HHAT: variants seen among roughly 807,000 people sequenced by gnomAD.
The protein encoded by HHAT is protein-cysteine N-palmitoyltransferase HHAT.
In HHAT, 47 loss-of-function variants were observed where a neutral mutation model predicts 70.8. The observed-to-expected ratio is 0.66, with a 90% CI of 0.53 to 0.85. The LOEUF (loss-of-function observed/expected upper bound fraction) is 0.85, where lower values mean the gene tolerates loss of function less well. HHAT is among the 40% of genes least tolerant of loss of function. The probability of loss-of-function intolerance (pLI) is 0.00; values close to 1 mark genes in which losing one functional copy is unlikely to be tolerated. For missense variants in HHAT, 609 were observed against 604.8 expected, an observed-to-expected ratio of 1.01 and a Z score of -0.07; for synonymous variants, 228 against 247.6, an observed-to-expected ratio of 0.92 and a Z score of 0.74.
chr1:210,400,712 T>A (rs2148197899), intron 5 of HHAT, 50 bp downstream of exon 5: 1 of 1,546,612 alleles, frequency 6.5e-7, no homozygotes, highest in African/African-American at 1.4e-5. Flanking sequence ...CCCCTTTGGC[T>A]TTGCCTTGAT....
At chr1:210,608,977 G>A (rs138487124) in intron 10 of HHAT, among the ~76,000 whole-genome samples, 182 of 152,222 alleles carry the variant, frequency 1.2e-3, no homozygotes, top group African/African-American at 4.3e-3. Flanking sequence ...CCAAGCGAAG[G>A]GGGAAGAGCC....
chr1:210,410,999 TAAG>T (rs1184473921), intron 6 of HHAT, among the ~76,000 whole-genome samples: 4 of 152,344 alleles, frequency 2.6e-5, no homozygotes, highest in South Asian at 2.1e-4. Flanking sequence ...AAGTCATTAT[TAAG>T]AAGCCAATGC....
chr1:210,590,516 G>C (rs1246741355), intron 10 of HHAT: 1 of 117,212 alleles, frequency 8.5e-6, no homozygotes, highest in Non-Finnish European at 1.6e-5. Flanking sequence ...TCAGACCCAG[G>C]AGAGCTGATG....
chr1:210,388,600 A>G (rs2091248575), intron 4 of HHAT, among the ~76,000 whole-genome samples: 1 of 152,126 alleles, frequency 6.6e-6, no homozygotes, highest in Non-Finnish European at 1.5e-5. Flanking sequence ...AATCCAAAAT[A>G]TTAGATGTTG....
At chr1:210,629,636 C>T (rs1000365194) in intron 11 of HHAT, among the ~76,000 whole-genome samples, 3 of 152,218 alleles carry the variant, frequency 2.0e-5, no homozygotes, top group Non-Finnish European at 4.4e-5. Context: ...CTGGTTCCTT[C>T]TGGAGGCTAT....
At chr1:210,395,238 A>T (rs1266594694) in intron 4 of HHAT, among the ~76,000 whole-genome samples, 2 of 152,152 alleles carry the variant, frequency 1.3e-5, no homozygotes, top group Non-Finnish European at 2.9e-5. Flanking sequence ...TACAGAGGTA[A>T]ACTCTAAGGA....
intron 3 of HHAT, among the ~76,000 whole-genome samples, chr1:210,384,439 T>C (rs996474581): frequency 1.2e-4 from 18 of 152,310 alleles, no homozygotes; most frequent in African/African-American, 4.1e-4. Context: ...GTCATGTAGA[T>C]TGGTCCCCAG....
At chr1:210,433,831 G>C (rs12091294) in intron 7 of HHAT, among the ~76,000 whole-genome samples, 4,313 of 152,006 alleles carry the variant, frequency 0.028, 296 homozygotes, top group African/African-American at 0.098. Flanking sequence ...AGGCTCTCAG[G>C]TGGAGGCCAG....
intron 6 of HHAT, among the ~76,000 whole-genome samples, chr1:210,412,939 G>C (rs529083419): frequency 6.6e-6 from 1 of 152,330 alleles, no homozygotes; most frequent in African/African-American, 2.4e-5. Context: ...GGGCCCACAG[G>C]AGCCACCCTT....
At chr1:210,349,839 C>T (rs75608308) in intron 2 of HHAT, among the ~76,000 whole-genome samples, 11 of 151,706 alleles carry the variant, frequency 7.3e-5, no homozygotes, top group African/African-American at 1.7e-4. Context: ...TTAGTAGAGA[C>T]GTGGTTTCAC....
intron 11 of HHAT, among the ~76,000 whole-genome samples, chr1:210,625,649 A>C (rs1192385722): frequency 2.0e-5 from 3 of 152,234 alleles, no homozygotes; most frequent in Non-Finnish European, 4.4e-5. Flanking sequence ...AAAGGCAGGC[A>C]TATCAGGGAA....
At chr1:210,360,551 C>G (rs2088178037) in intron 2 of HHAT, among the ~76,000 whole-genome samples, 1 of 152,092 alleles carries the variant, frequency 6.6e-6, no homozygotes, top group African/African-American at 2.4e-5. Flanking sequence ...CTCAGGTGAT[C>G]TGCCCACCTT....
At chr1:210,576,877 C>T (rs1398524672) in intron 9 of HHAT, among the ~76,000 whole-genome samples, 3 of 152,118 alleles carry the variant, frequency 2.0e-5, no homozygotes, top group African/African-American at 4.8e-5. Context: ...TTTCAATGTA[C>T]AAATCTTTGG....
chr1:210,349,856 G>A (rs192362814), intron 2 of HHAT, among the ~76,000 whole-genome samples: 1 of 152,070 alleles, frequency 6.6e-6, no homozygotes, highest in Non-Finnish European at 1.5e-5. Flanking sequence ...TCACCATGTT[G>A]GCCAGGCTGA....
At chr1:210,583,131 T>A (rs1659642474) in intron 9 of HHAT, among the ~76,000 whole-genome samples, 1 of 152,176 alleles carries the variant, frequency 6.6e-6, no homozygotes, top group Non-Finnish European at 1.5e-5. Context: ...TGATTAGAAA[T>A]AGTATGCATA....
chr1:210,555,408 T>G (rs1449296026), intron 9 of HHAT, among the ~76,000 whole-genome samples: 2 of 152,070 alleles, frequency 1.3e-5, no homozygotes, highest in South Asian at 4.1e-4. Flanking sequence ...AGGAAGAATT[T>G]TAAGTTGTGC....
intron 10 of HHAT, among the ~76,000 whole-genome samples, chr1:210,622,393 T>C (rs1163451748): frequency 2.0e-5 from 3 of 152,246 alleles, no homozygotes; most frequent in African/African-American, 7.2e-5. Flanking sequence ...GTTCTCATTC[T>C]GAACACACGG....
chr1:210,415,257 C>T (rs1397136873), intron 6 of HHAT, among the ~76,000 whole-genome samples: 1 of 152,184 alleles, frequency 6.6e-6, no homozygotes, highest in African/African-American at 2.4e-5. Flanking sequence ...CGTGAATGAT[C>T]TGGCAGGTAG....
chr1:210,340,252 A>AGG (rs1558310434), intron 1 of HHAT, among the ~76,000 whole-genome samples: 7 of 149,502 alleles, frequency 4.7e-5, no homozygotes, highest in African/African-American at 1.7e-4. Context: ...GAAAAAAAAA[A>AGG]AAAAAAAAAA....
Sources: gnomAD v4.1 joint callset for allele counts (sites outside exome capture counted in the v4.1 genomes callset) on GRCh38, gnomAD v4.1.1 for gene constraint, MANE v1.5 for transcripts, NCBI Gene and HGNC (gene_info 2026-07-23, HGNC 2026-07-21) for gene names.